RBFOX1: variants seen among roughly 807,000 people sequenced by gnomAD.
RBFOX1 encodes the protein RNA binding protein fox-1 homolog 1.
RBFOX1 carries 8 observed loss-of-function variants against 57.7 expected under a neutral mutation model. That is an observed-to-expected ratio of 0.14 (90% CI 0.08 to 0.25). The LOEUF (loss-of-function observed/expected upper bound fraction) is 0.25, where lower values mean the gene tolerates loss of function less well. Among genes scored for constraint, RBFOX1 ranks in the 10% least tolerant of loss-of-function variants. The pLI is 1.00. For missense variants in RBFOX1, 611 were observed against 548.5 expected (o/e 1.11, Z -1.14); for synonymous variants, 326 against 222.4 (o/e 1.47, Z -4.15).
At chr16:6,324,516 G>A (rs977058246) in intron 2 of RBFOX1, among the ~76,000 whole-genome samples, 1 of 152,150 alleles carries the variant, frequency 6.6e-6, no homozygotes, top group Non-Finnish European at 1.5e-5. Context: ...ATCTTACATG[G>A]CCAGAGCAGG....
intron 6 of RBFOX1, among the ~76,000 whole-genome samples, chr16:7,585,805 C>A (rs1378596243): frequency 1.3e-5 from 2 of 152,142 alleles, no homozygotes; most frequent in Non-Finnish European, 2.9e-5. Flanking sequence ...GTAGGACCCT[C>A]TTGACATTCA....
intron 4 of RBFOX1, among the ~76,000 whole-genome samples, chr16:7,296,957 C>G (rs539776803): frequency 6.6e-6 from 1 of 152,298 alleles, no homozygotes; most frequent in South Asian, 2.1e-4. Flanking sequence ...AAGGTAAATG[C>G]AGACATCCTG....
At chr16:7,185,093 C>T (rs371422793) in intron 4 of RBFOX1, among the ~76,000 whole-genome samples, 1 of 152,154 alleles carries the variant, frequency 6.6e-6, no homozygotes, top group Non-Finnish European at 1.5e-5. Flanking sequence ...TACAATATAT[C>T]TATTTAAACC....
chr16:6,351,469 G>A (rs941148173), intron 2 of RBFOX1, among the ~76,000 whole-genome samples: 14 of 150,134 alleles, frequency 9.3e-5, no homozygotes, highest in Non-Finnish European at 1.8e-4. Context: ...TATCTCCCAG[G>A]TTCAAGCGAT....
chr16:6,962,866 T>C (rs185155883), intron 3 of RBFOX1, among the ~76,000 whole-genome samples: 28 of 129,024 alleles, frequency 2.2e-4, no homozygotes, highest in East Asian at 2.2e-4. Context: ...CCCTGTCTCA[T>C]GGAAAAAGGG....
At chr16:5,280,888 A>G (rs531597496) in intron 1 of RBFOX1, among the ~76,000 whole-genome samples, 2 of 151,412 alleles carry the variant, frequency 1.3e-5, no homozygotes, top group South Asian at 2.1e-4. Flanking sequence ...CAAAAAACCA[A>G]CTTTTATCTT....
intron 4 of RBFOX1, among the ~76,000 whole-genome samples, chr16:7,475,679 A>T (rs190359671): frequency 1.4e-3 from 219 of 152,188 alleles, no homozygotes; most frequent in African/African-American, 5.1e-3. Context: ...CTTGGTTATA[A>T]CTCTGGGTTT....
chr16:6,890,537 C>T (rs1364651706), intron 3 of RBFOX1, among the ~76,000 whole-genome samples: 1 of 152,102 alleles, frequency 6.6e-6, no homozygotes, highest in Admixed American at 6.5e-5. Context: ...CAAACAAAAC[C>T]AAACCCAAAG....
intron 2 of RBFOX1, among the ~76,000 whole-genome samples, chr16:6,589,113 C>G (rs1312932010): frequency 6.6e-6 from 1 of 152,100 alleles, no homozygotes; most frequent in Admixed American, 6.6e-5. Context: ...CAAAAAAACC[C>G]CTAAATATTG....
intron 4 of RBFOX1, among the ~76,000 whole-genome samples, chr16:7,439,107 C>T (rs980940122): frequency 3.9e-5 from 6 of 152,172 alleles, no homozygotes; most frequent in African/African-American, 9.6e-5. Flanking sequence ...GGAGCATGGT[C>T]CTCGCGCTGG....
At chr16:6,944,566 A>G (rs1484433306) in intron 3 of RBFOX1, among the ~76,000 whole-genome samples, 16 of 152,100 alleles carry the variant, frequency 1.1e-4, no homozygotes, top group Admixed American at 9.8e-4. Flanking sequence ...CTCTTAGGAA[A>G]TGTGTACATT....
chr16:6,286,796 A>C (rs2076949538), intron 1 of RBFOX1, among the ~76,000 whole-genome samples: 1 of 152,164 alleles, frequency 6.6e-6, no homozygotes, highest in Non-Finnish European at 1.5e-5. Context: ...GGAAGACTAG[A>C]CTTGGAAGAA....
chr16:6,863,670 T>TAAAA (rs71408411), intron 3 of RBFOX1, among the ~76,000 whole-genome samples: 1 of 105,534 alleles, frequency 9.5e-6, no homozygotes, highest in East Asian at 2.9e-4. Flanking sequence ...TTTTTTTCCT[T>TAAAA]AAAAAAAAAA....
intron 3 of RBFOX1, among the ~76,000 whole-genome samples, chr16:6,705,734 A>G (rs1319719529): frequency 6.6e-6 from 1 of 152,206 alleles, no homozygotes; most frequent in Non-Finnish European, 1.5e-5. Context: ...ATTATAAATT[A>G]GGGCCTGGCA....
intron 2 of RBFOX1, among the ~76,000 whole-genome samples, chr16:5,572,256 C>T (rs982256003): frequency 6.6e-6 from 1 of 152,154 alleles, no homozygotes; most frequent in African/African-American, 2.4e-5. Flanking sequence ...GGGAAGCATC[C>T]AGCCATTTAT....
chr16:7,225,920 A>ATATATATATATATATATAT (rs71147674), intron 4 of RBFOX1, among the ~76,000 whole-genome samples: 5 of 140,970 alleles, frequency 3.5e-5, no homozygotes, highest in Admixed American at 7.0e-5. Context: ...ATATATATAT[A>ATATATATATATATATATAT]AATGTGAATG....
At chr16:6,190,054 A>G (rs1480053212) in intron 1 of RBFOX1, among the ~76,000 whole-genome samples, 1 of 151,084 alleles carries the variant, frequency 6.6e-6, no homozygotes, top group East Asian at 1.9e-4. Context: ...CTATGTTTGT[A>G]TATGTGTGAA....
At chr16:6,561,573 G>A (rs937107034) in intron 2 of RBFOX1, among the ~76,000 whole-genome samples, 1 of 152,052 alleles carries the variant, frequency 6.6e-6, no homozygotes, top group Non-Finnish European at 1.5e-5. Flanking sequence ...GAAGGGCGAG[G>A]GGTTGTCATG....
At chr16:5,835,679 A>T (rs922288746) in intron 3 of RBFOX1, among the ~76,000 whole-genome samples, 3 of 152,190 alleles carry the variant, frequency 2.0e-5, no homozygotes, top group Admixed American at 6.5e-5. Context: ...AGGTTTTATG[A>T]GGAAAACAGT....
Sources: allele counts gnomAD v4.1 joint callset (sites outside exome capture counted in the v4.1 genomes callset), GRCh38; gene constraint gnomAD v4.1.1; transcripts MANE v1.5; gene names NCBI Gene and HGNC (gene_info 2026-07-23, HGNC 2026-07-21).